The following TBK1 variants were observed in gnomAD, a reference collection of about 807,000 sequenced individuals.
TBK1 encodes TANK binding kinase 1, also known as serine/threonine-protein kinase TBK1.
A neutral mutation model predicts 99.9 loss-of-function variants in TBK1; 37 were observed. That is an observed-to-expected ratio of 0.37 (90% CI 0.28 to 0.49). TBK1 has a LOEUF of 0.49. Among genes scored for constraint, TBK1 ranks in the 20% least tolerant of loss-of-function variants. The pLI is 0.98. For missense variants in TBK1, 644 were observed against 872.5 expected, an observed-to-expected ratio of 0.74 and a Z score of 3.30; for synonymous variants, 258 against 279.8, an observed-to-expected ratio of 0.92 and a Z score of 0.78.
chr12:64,453,117 T>C (rs1235304172), intron 1 of TBK1, among the ~76,000 whole-genome samples: 1 of 152,180 alleles, frequency 6.6e-6, no homozygotes, highest in Non-Finnish European at 1.5e-5. Flanking sequence ...TTTGGGAAGA[T>C]TTATATGGCA....
intron 20 of TBK1, among the ~76,000 whole-genome samples, chr12:64,498,669 C>T (rs2040954379): frequency 6.6e-6 from 1 of 152,110 alleles, no homozygotes; most frequent in South Asian, 2.1e-4. Context: ...AAATATTTCA[C>T]ATTTGGCCAG....
At chr12:64,481,372 G>C (rs2040766272) in intron 7 of TBK1, among the ~76,000 whole-genome samples, 1 of 152,132 alleles carries the variant, frequency 6.6e-6, no homozygotes, top group Non-Finnish European at 1.5e-5. Context: ...GAGAAAAATT[G>C]CTTAGATGCC....
rs146881076 is a variant in TBK1 at position 64,464,901 on chromosome 12, A to G, written c.358+438A>G. On this transcript the variant is annotated intron_variant, in intron 4 of 20. Coordinates refer to ENST00000331710, the MANE Select transcript of TBK1 (RefSeq NM_013254.4). ...TTGGTTATTAGGGAAATGCTCATCA[A>G]AACCACAATGAAATACCACTTTATA... 3.8e-3 allele frequency among the ~76,000 whole-genome samples: 581 copies of G among 152,252 alleles called. 2 individuals are homozygous for G. Among genetic ancestry groups the G allele is most frequent in the African/African-American group, 0.013 (557 of 41,530 alleles).
At chr12:64,492,074 T>TC (rs1433196241) in intron 13 of TBK1, among the ~76,000 whole-genome samples, 2 of 152,188 alleles carry the variant, frequency 1.3e-5, no homozygotes, top group East Asian at 3.8e-4. Flanking sequence ...AAAATAGTCT[T>TC]CCCCAGTATT....
At chr12:64,456,449 AG>A (rs2040488168) in intron 2 of TBK1, among the ~76,000 whole-genome samples, 1 of 152,162 alleles carries the variant, frequency 6.6e-6, no homozygotes, top group African/African-American at 2.4e-5. Flanking sequence ...CTCAACAAGG[AG>A]CCCAGGTTGA....
At chr12:64,464,698 T>C (rs141056520) in intron 4 of TBK1, among the ~76,000 whole-genome samples, 29 of 152,084 alleles carry the variant, frequency 1.9e-4, no homozygotes, top group African/African-American at 6.5e-4. Context: ...AAAAAATGTT[T>C]GTAAATCATA....
Position 64,460,200 on chromosome 12 carries a change from T to C in TBK1, c.99T>C (p.Asp33=), listed in dbSNP as rs751092681. The C allele has an allele frequency of 2.0e-6, 3 of 1,504,670 alleles. No individual in the cohort carries two copies. The highest frequency in any genetic ancestry group is 1.4e-5 in the African/African-American group (1 of 70,970). The allele number at this position is 1,504,670 out of a possible 1,614,324, so 93.2% of individuals were successfully genotyped here. A position where few individuals can be genotyped will look rare whatever the true frequency, so the allele number is the denominator to read the frequency against. ...TCTCTTTTTTAAAGAAAACTGGTGA[T>C]TTATTTGCTATCAAAGTATTTAATA... ...VFRGRHKKTG[D]LFAIKVFNNI... is the part of the protein sequence containing the mutation. The change falls in exon 3 of 21, where the codon GAT becomes GAC. Residue 33 remains aspartate, a synonymous_variant. Transcript: ENST00000331710.
At chr12:64,495,156 C>A (rs925163945) in intron 13 of TBK1, among the ~76,000 whole-genome samples, 2 of 152,052 alleles carry the variant, frequency 1.3e-5, no homozygotes, top group Non-Finnish European at 2.9e-5. Flanking sequence ...TTTTCAAAAC[C>A]GGGTTATGAA....
intron 8 of TBK1, among the ~76,000 whole-genome samples, chr12:64,482,420 C>G (rs545444392): frequency 6.6e-6 from 1 of 151,844 alleles, no homozygotes; most frequent in Admixed American, 6.6e-5. Context: ...CTATGATAAC[C>G]CTATGCAGAT....
intron 20 of TBK1, among the ~76,000 whole-genome samples, 180 bp downstream of exon 20, chr12:64,498,219 T>G (rs1472387582): frequency 6.6e-6 from 1 of 152,230 alleles, no homozygotes; most frequent in East Asian, 1.9e-4. Flanking sequence ...TTAGTTCCAT[T>G]TTATAGAAGC....
rs2136087227 is a variant in TBK1 at position 64,495,755 on chromosome 12, A to G, written c.1700A>G (p.Lys567Arg). Residue 567 changes from lysine to arginine, a missense_variant, in exon 15 of 21, where the codon AAA becomes AGA. Physicochemically the swap from Lys to Arg is conservative, Grantham distance 26. Coordinates refer to ENST00000331710, the MANE Select transcript of TBK1 (RefSeq NM_013254.4). ...NCMTEIYYQF[K>R]KDKAERRLAY... ...ATGACAGAGATTTACTATCAGTTCA[A>G]AAAAGACAAAGCAGAACGTAGTAAG... 1.3e-6 allele frequency: 2 copies of G among 1,596,698 alleles called. No homozygotes were observed. Among genetic ancestry groups the G allele is most frequent in the South Asian group, 2.3e-5 (2 of 88,212 alleles).
In TBK1 at chr12:64,495,746, A is replaced by G. The variant is rs776059942; in HGVS notation, c.1691A>G (p.Tyr564Cys). The stretch of plus-strand genomic sequence containing the variant: ...TTAAATTGCATGACAGAGATTTACT[A>G]TCAGTTCAAAAAAGACAAAGCAGAA... ...VLLNCMTEIY[Y>C]QFKKDKAERR... is the part of the protein sequence containing the mutation. The change falls in exon 15 of 21, where the codon TAT becomes TGT. Residue 564 changes from tyrosine (Y) to cysteine (C), a missense_variant. By Grantham distance (194) the Tyr-to-Cys change is radical. Transcript: ENST00000331710. 1.5e-5 allele frequency: 24 copies of G among 1,601,276 alleles called. 1 individual carries two copies. The South Asian group carries it at 2.4e-4, about 16-fold the overall frequency.
chr12:64,483,426 A>G (rs1485065921), intron 8 of TBK1, among the ~76,000 whole-genome samples: 2 of 152,234 alleles, frequency 1.3e-5, no homozygotes, highest in Non-Finnish European at 2.9e-5. Flanking sequence ...CCCCCGAAGC[A>G]TCATTTTGAA....
chr12:64,453,470 T>C (rs1288116866), intron 1 of TBK1, among the ~76,000 whole-genome samples: 1 of 152,184 alleles, frequency 6.6e-6, no homozygotes, highest in Non-Finnish European at 1.5e-5. Context: ...GAATCTTATT[T>C]TTATTGCTTA....
At chr12:64,485,568 A>C in intron 10 of TBK1, 55 bp downstream of exon 10, 1 of 891,886 alleles carries the variant, frequency 1.1e-6, no homozygotes. Context: ...TATCCTATCA[A>C]TAGTGGAAGC....
intron 6 of TBK1, among the ~76,000 whole-genome samples, chr12:64,479,675 G>A (rs551927938): frequency 1.7e-4 from 26 of 152,166 alleles, no homozygotes; most frequent in African/African-American, 6.3e-4. Context: ...ATGGTCTAGA[G>A]ACATTCTGTG....
At chr12:64,471,349 A>C (rs945170698) in intron 5 of TBK1, among the ~76,000 whole-genome samples, 1 of 147,436 alleles carries the variant, frequency 6.8e-6, no homozygotes, top group African/African-American at 2.5e-5. Context: ...TTTTGTGTCT[A>C]TATATATATA....
At chr12:64,456,667 C>T (rs1038653830) in intron 2 of TBK1, among the ~76,000 whole-genome samples, 10 of 151,820 alleles carry the variant, frequency 6.6e-5, no homozygotes, top group African/African-American at 1.9e-4. Flanking sequence ...GGTGAAACCC[C>T]GTCTCTACTA....
chr12:64,491,080 ACTT>A (rs2040864742), intron 13 of TBK1, among the ~76,000 whole-genome samples: 1 of 152,012 alleles, frequency 6.6e-6, no homozygotes, highest in Non-Finnish European at 1.5e-5. Flanking sequence ...ATACAATAGA[ACTT>A]CTGGGAGTCT....
Sources: allele counts gnomAD v4.1 joint callset (sites outside exome capture counted in the v4.1 genomes callset), GRCh38; gene constraint gnomAD v4.1.1; transcripts MANE v1.5; gene names NCBI Gene and HGNC (gene_info 2026-07-23, HGNC 2026-07-21).